PGCKA1: variants seen among roughly 807,000 people sequenced by gnomAD.
PGCKA1 encodes the protein PDCD10 and GCKIII kinases associated 1.
chr4:37,499,918 C>CTTTTTTTTTTTT, the PGCKA1 span, among the ~76,000 whole-genome samples: 1 of 79,258 alleles, frequency 1.3e-5, no homozygotes, highest in African/African-American at 5.5e-5. Context: ...GTCTTCCTAA[C>CTTTTTTTTTTTT]TTTTTTTTTT....
the PGCKA1 span, among the ~76,000 whole-genome samples, chr4:37,556,737 A>G: frequency 6.6e-6 from 1 of 152,170 alleles, no homozygotes. Flanking sequence ...ATTGTAGTTC[A>G]TTGTAAGCTC....
chr4:37,565,084 G>A, the PGCKA1 span, among the ~76,000 whole-genome samples: 1 of 152,166 alleles, frequency 6.6e-6, no homozygotes, highest in Non-Finnish European at 1.5e-5. Flanking sequence ...TAGGGACATA[G>A]CTTCTCAAAC....
At chr4:37,472,954 A>C in the PGCKA1 span, among the ~76,000 whole-genome samples, 1 of 152,204 alleles carries the variant, frequency 6.6e-6, no homozygotes, top group Non-Finnish European at 1.5e-5. Flanking sequence ...TCATTGATTC[A>C]GGTCAACTGG....
chr4:37,543,703 G>A, the PGCKA1 span, among the ~76,000 whole-genome samples: 568 of 151,864 alleles, frequency 3.7e-3, 1 homozygote, highest in African/African-American at 0.013. Context: ...GCGTGGTGGC[G>A]GGCGCCTGTA....
the PGCKA1 span, among the ~76,000 whole-genome samples, chr4:37,495,483 C>T: frequency 6.6e-6 from 1 of 152,130 alleles, no homozygotes; most frequent in African/African-American, 2.4e-5. Flanking sequence ...CAGTGATAGA[C>T]TGGATAAAAA....
At chr4:37,551,016 A>T in the PGCKA1 span, among the ~76,000 whole-genome samples, 10 of 70,134 alleles carry the variant, frequency 1.4e-4, no homozygotes, top group African/African-American at 5.0e-4. Context: ...TAGTACCATA[A>T]AAAAAAAACA....
chr4:37,549,566 C>G, the PGCKA1 span, among the ~76,000 whole-genome samples: 3 of 152,166 alleles, frequency 2.0e-5, no homozygotes, highest in African/African-American at 7.2e-5. Context: ...TTAATAAATA[C>G]CAAAGGACAT....
chr4:37,472,234 CT>C, the PGCKA1 span, among the ~76,000 whole-genome samples: 1 of 152,204 alleles, frequency 6.6e-6, no homozygotes, highest in Admixed American at 6.5e-5. Context: ...TGCATCAGTC[CT>C]TTCCTCATTC....
At chr4:37,541,354 A>G in the PGCKA1 span, among the ~76,000 whole-genome samples, 26 of 152,214 alleles carry the variant, frequency 1.7e-4, no homozygotes, top group Non-Finnish European at 3.1e-4. Flanking sequence ...CCAGGCTTTC[A>G]GTAAATGCTG....
At chr4:37,502,630 C>T in the PGCKA1 span, among the ~76,000 whole-genome samples, 3 of 152,168 alleles carry the variant, frequency 2.0e-5, no homozygotes, top group South Asian at 4.1e-4. Flanking sequence ...AGGGTGCGTG[C>T]GCACATGGGT....
the PGCKA1 span, among the ~76,000 whole-genome samples, chr4:37,522,880 TTC>T: frequency 6.6e-6 from 1 of 151,966 alleles, no homozygotes; most frequent in East Asian, 1.9e-4. Context: ...CTTTCAACCC[TTC>T]TCTCTCCTCT....
the PGCKA1 span, among the ~76,000 whole-genome samples, chr4:37,479,042 A>G: frequency 0.64 from 96,955 of 152,046 alleles, 32,093 homozygotes; most frequent in Non-Finnish European, 0.73. Context: ...TCAGAATTAC[A>G]CTGTCTACAG....
chr4:37,588,849 G>A, the PGCKA1 span: 1 of 1,610,048 alleles, frequency 6.2e-7, no homozygotes, highest in Non-Finnish European at 8.5e-7. Flanking sequence ...TTTCCAGGTG[G>A]TAACAGAAAA....
At chr4:37,553,359 TGGA>T in the PGCKA1 span, among the ~76,000 whole-genome samples, 25 of 151,938 alleles carry the variant, frequency 1.6e-4, no homozygotes, top group African/African-American at 6.1e-4. Context: ...TTATAGTTCT[TGGA>T]GCTGATAAAC....
chr4:37,466,242 A>G, the PGCKA1 span, among the ~76,000 whole-genome samples: 1 of 152,186 alleles, frequency 6.6e-6, no homozygotes, highest in Non-Finnish European at 1.5e-5. Context: ...TCGTTTCTGA[A>G]ATATTATATT....
At chr4:37,518,714 T>C in the PGCKA1 span, among the ~76,000 whole-genome samples, 1 of 152,252 alleles carries the variant, frequency 6.6e-6, no homozygotes, top group Non-Finnish European at 1.5e-5. Context: ...TCTCCCATTC[T>C]GTGGGTTGTG....
chr4:37,492,814 C>T, the PGCKA1 span, among the ~76,000 whole-genome samples: 62 of 152,236 alleles, frequency 4.1e-4, no homozygotes, highest in South Asian at 3.9e-3. This position sits in a 1 kb window ranked among gnomAD's most constrained non-coding sequence, Gnocchi z 4.7. Context: ...AGCCACTCCT[C>T]ATTTTGGCCT....
At chr4:37,593,260 A>G in the PGCKA1 span, among the ~76,000 whole-genome samples, 1 of 152,158 alleles carries the variant, frequency 6.6e-6, no homozygotes, top group Non-Finnish European at 1.5e-5. Context: ...ATAGAGGCTT[A>G]TTTACCTCTT....
chr4:37,522,560 A>T, the PGCKA1 span, among the ~76,000 whole-genome samples: 1 of 151,982 alleles, frequency 6.6e-6, no homozygotes, highest in Non-Finnish European at 1.5e-5. Context: ...GAGCTTCCTG[A>T]GTACTCTACC....
Sources: allele counts gnomAD v4.1 joint callset (sites outside exome capture counted in the v4.1 genomes callset), GRCh38; gene constraint gnomAD v4.1.1; non-coding constraint Gnocchi (gnomAD v3.1); transcripts MANE v1.5; gene names NCBI Gene and HGNC (gene_info 2026-07-23, HGNC 2026-07-21).